YLPM1: variants seen among roughly 807,000 people sequenced by gnomAD.
YLPM1 encodes the protein YLP motif-containing protein 1.
In YLPM1, 99 loss-of-function variants were observed where a neutral mutation model predicts 230.0. That is an observed-to-expected ratio of 0.43 (90% confidence interval 0.37 to 0.51). The LOEUF (loss-of-function observed/expected upper bound fraction) is 0.51. YLPM1 is among the 20% of genes least tolerant of loss of function. The pLI is 0.00. For missense variants in YLPM1, 2,592 were observed against 2,707.7 expected, an observed-to-expected ratio of 0.96 and a Z score of 0.95; for synonymous variants, 984 against 942.5, an observed-to-expected ratio of 1.04 and a Z score of -0.81.
Position 74,779,397 on chromosome 14 carries a change from G to T in YLPM1, c.1110+714G>T, listed in dbSNP as rs548272586. ...TTCAATTTACTCCTCTGCAAAATGG[G>T]TATATTCAATAGTAGCTATCATATA... On this transcript the variant is annotated intron_variant, in intron 2 of 20. Coordinates refer to ENST00000325680, the MANE Select transcript of YLPM1 (RefSeq NM_019589.3). Among the ~76,000 whole-genome samples the T allele has an allele frequency of 4.6e-5, 7 of 152,172 alleles. No individual in the cohort carries two copies. The East Asian group carries it at 1.4e-3, about 29-fold the overall frequency.
intron 5 of YLPM1, 107 bp from the exon 6 acceptor site, chr14:74,802,449 G>A (rs2091337110): frequency 7.4e-7 from 1 of 1,359,110 alleles, no homozygotes; most frequent in Admixed American, 2.8e-5. Context: ...GAGAATTTTA[G>A]GACAAGGATT....
chr14:74,789,652 G>A (rs1373418719), intron 4 of YLPM1, among the ~76,000 whole-genome samples: 2 of 147,972 alleles, frequency 1.4e-5, no homozygotes, highest in African/African-American at 5.0e-5. Context: ...ATTGAGGCAG[G>A]GTCTTTACTC....
At position 74,835,464 on chromosome 14, in the gene YLPM1, A is replaced by G; in HGVS notation, c.*36+17A>G. On this transcript the variant is annotated intron_variant, in intron 20 of 20. Transcript: ENST00000325680. Reference sequence around the variant, plus strand: ...TCCTCTAAGGTAAGAGTACACAGTCATATAAATAGCCTACTGTGTGGTTGC... The same window carrying G: ...TCCTCTAAGGTAAGAGTACACAGTCGTATAAATAGCCTACTGTGTGGTTGC... The G allele has an allele frequency of 6.3e-6, 10 of 1,589,472 alleles. No homozygotes were observed. Among genetic ancestry groups the G allele is most frequent in the Non-Finnish European group, 7.7e-6 (9 of 1,167,538 alleles).
At chr14:74,827,168 T>C (rs2091570085) in intron 18 of YLPM1, among the ~76,000 whole-genome samples, 1 of 152,238 alleles carries the variant, frequency 6.6e-6, no homozygotes, top group Admixed American at 6.5e-5. Context: ...TGTGCTATAA[T>C]ACATACTGTT....
chr14:74,804,728 GTCTT>G (rs946594289), intron 6 of YLPM1, among the ~76,000 whole-genome samples: 1 of 151,980 alleles, frequency 6.6e-6, no homozygotes, highest in South Asian at 2.1e-4. Context: ...CTGTTTTCTT[GTCTT>G]TCTTTCTAAA....
At position 74,781,797 on chromosome 14, in the gene YLPM1, C is replaced by G; in HGVS notation, c.1754C>G (p.Ala585Gly). Residue 585 changes from alanine to glycine, a missense_variant, in exon 4 of 21, where the codon GCA becomes GGA. By Grantham distance (60) the Ala-to-Gly change is moderately conservative. Transcript: ENST00000325680. ...PPGMPPSLSS[A>G]GPPPVLPPPS... ...GGGATGCCTCCTTCTCTCTCTTCTG[C>G]AGGGCCACCACCAGTTCTCCCCCCA... is the stretch of plus-strand genomic sequence containing the variant. The G allele has an allele frequency of 6.2e-7, 1 of 1,612,962 alleles. No homozygotes were observed. Among genetic ancestry groups the G allele is most frequent in the Non-Finnish European group, 8.5e-7 (1 of 1,179,530 alleles).
chr14:74,792,752 A>G (rs1409569506), intron 4 of YLPM1, among the ~76,000 whole-genome samples: 6 of 152,248 alleles, frequency 3.9e-5, no homozygotes, highest in Admixed American at 3.3e-4. Context: ...ACACTCTGCC[A>G]TATGGGTGTT....
chr14:74,820,847 CAG>C (rs1555369176), intron 16 of YLPM1, among the ~76,000 whole-genome samples: 2 of 152,164 alleles, frequency 1.3e-5, no homozygotes, highest in Non-Finnish European at 2.9e-5. Flanking sequence ...GGGAATTGTA[CAG>C]ATGGATATTC....
chr14:74,763,350 C>A lies in YLPM1; in HGVS notation c.-140C>A. ...CGCGGGCCCAGCTCGGGAGCGCCGG[C>A]GCACTGGCGCGCTCCGTTTACACGC... On this transcript the variant is annotated 5_prime_UTR_variant, in exon 1 of 21. Transcript: ENST00000325680. 9.4e-7 allele frequency: 1 copy of A among 1,065,928 alleles called. No homozygotes were observed. The highest frequency in any genetic ancestry group is 1.6e-5 in the African/African-American group (1 of 60,748). The allele number at this position is 1,065,928 out of a possible 1,614,324, so 66.0% of individuals were successfully genotyped here. A position where few individuals can be genotyped will look rare whatever the true frequency, so the allele number is the denominator to read the frequency against.
At chr14:74,805,322 AT>A (rs2091366711) in intron 6 of YLPM1, among the ~76,000 whole-genome samples, 1 of 151,936 alleles carries the variant, frequency 6.6e-6, no homozygotes, top group Non-Finnish European at 1.5e-5. Context: ...CACCCGGCCA[AT>A]AACTTCTTAG....
At chr14:74,822,501 T>TTATC (rs778181568) in intron 17 of YLPM1, among the ~76,000 whole-genome samples, 2 of 152,146 alleles carry the variant, frequency 1.3e-5, no homozygotes, top group African/African-American at 2.4e-5. Flanking sequence ...CCCTGCTGGA[T>TTATC]TATCTGTTTT....
chr14:74,788,181 C>T (rs543681675), intron 4 of YLPM1, among the ~76,000 whole-genome samples: 32 of 150,668 alleles, frequency 2.1e-4, no homozygotes, highest in Admixed American at 4.6e-4. Flanking sequence ...AGTGCAGTGG[C>T]GCAATCTCAG....
Position 74,781,963 on chromosome 14 carries a change from A to G in YLPM1, c.1920A>G (p.Gln640=), listed in dbSNP as rs1013793864. 3.7e-6 allele frequency: 6 copies of G among 1,613,400 alleles called. No individual in the cohort carries two copies. The highest frequency in any genetic ancestry group is 5.1e-6 in the Non-Finnish European group (6 of 1,179,662). The change falls in exon 4 of 21, where the codon CAA becomes CAG. Residue 640 remains glutamine, a synonymous_variant. Transcript: ENST00000325680. ...PPGIPPPGVP[Q]GIPPQLTAAP... ...GAATACCTCCCCCTGGAGTTCCACAAGGGATACCTCCTCAGTTAACAGCAG... is the reference window on the plus strand; with the variant it reads ...GAATACCTCCCCCTGGAGTTCCACAGGGGATACCTCCTCAGTTAACAGCAG...
chr14:74,782,872 T>C (rs1486417015), intron 4 of YLPM1, among the ~76,000 whole-genome samples: 1 of 152,170 alleles, frequency 6.6e-6, no homozygotes, highest in Non-Finnish European at 1.5e-5. Context: ...CCCATGGAGC[T>C]TACATCCTTT....
At chr14:74,773,119 C>G (rs953951853) in intron 1 of YLPM1, among the ~76,000 whole-genome samples, 1 of 152,148 alleles carries the variant, frequency 6.6e-6, no homozygotes, top group Admixed American at 6.5e-5. Context: ...AACCCCGTCT[C>G]TACTAAAAAA....
intron 1 of YLPM1, among the ~76,000 whole-genome samples, chr14:74,772,657 A>G (rs1490818585): frequency 6.6e-6 from 1 of 151,980 alleles, no homozygotes; most frequent in Non-Finnish European, 1.5e-5. Flanking sequence ...GCACCCAGCC[A>G]ATAGTTCTAC....
In YLPM1 at chr14:74,835,441, C is replaced by G; in HGVS notation, c.*30C>G. Reference sequence around the variant, plus strand: ...TAGTTTTTGAACGGAGTCATTATTCCTCTAAGGTAAGAGTACACAGTCATA... The same window carrying G: ...TAGTTTTTGAACGGAGTCATTATTCGTCTAAGGTAAGAGTACACAGTCATA... On this transcript the variant is annotated 3_prime_UTR_variant, in exon 20 of 21. Coordinates refer to ENST00000325680, the MANE Select transcript of YLPM1 (RefSeq NM_019589.3). 6.2e-7 allele frequency: 1 copy of G among 1,610,402 alleles called. No homozygotes were observed. Among genetic ancestry groups the G allele is most frequent in the Non-Finnish European group, 8.5e-7 (1 of 1,177,948 alleles).
chr14:74,810,447 G>T, intron 9 of YLPM1, 27 bp downstream of exon 9: 2 of 1,607,282 alleles, frequency 1.2e-6, no homozygotes, highest in Non-Finnish European at 1.7e-6. Flanking sequence ...TCTTTGCTAG[G>T]TGTACAAATT....
chr14:74,763,776 G>C lies in YLPM1; in HGVS notation c.287G>C (p.Gly96Ala). 1 of 1,501,310 alleles carries C rather than the reference G, an allele frequency of 6.7e-7. No homozygotes were observed. The highest frequency in any genetic ancestry group is 8.9e-7 in the Non-Finnish European group (1 of 1,126,528). The allele number at this position is 1,501,310 out of a possible 1,614,324, so 93.0% of individuals were successfully genotyped here. ...CCCCCGCCAGTGATGCCGGGGGGCG[G>C]CTACGGAGACTGGCAGCCGCCACCG... The part of the protein sequence containing the change: ...LPPPPVMPGG[G>A]YGDWQPPPPP... The change falls in exon 1 of 21, where the codon GGC becomes GCC. Residue 96 changes from glycine to alanine, a missense_variant. Coordinates refer to ENST00000325680, the MANE Select transcript of YLPM1 (RefSeq NM_019589.3).
Sources: allele counts gnomAD v4.1 joint callset (sites outside exome capture counted in the v4.1 genomes callset), GRCh38; gene constraint gnomAD v4.1.1; transcripts MANE v1.5; gene names NCBI Gene and HGNC (gene_info 2026-07-23, HGNC 2026-07-21).